GUCY1A2: variants seen among roughly 807,000 people sequenced by gnomAD.
The protein encoded by GUCY1A2 is guanylate cyclase soluble subunit alpha-2.
GUCY1A2 carries 27 observed loss-of-function variants against 63.5 expected under a neutral mutation model. The ratio of observed to expected loss-of-function variants is 0.43; its 90% confidence interval spans 0.31 to 0.59. The LOEUF is 0.59. GUCY1A2 is among the 20% of genes least tolerant of loss of function. The pLI is 0.11. For synonymous variants in GUCY1A2, 364 were observed against 343.5 expected (o/e 1.06, Z -0.66); for missense variants, 768 against 913.3 (o/e 0.84, Z 2.05).
chr11:106,953,123 G>A (rs1860933776), intron 3 of GUCY1A2, among the ~76,000 whole-genome samples: 3 of 152,152 alleles, frequency 2.0e-5, no homozygotes, highest in Admixed American at 2.0e-4. Flanking sequence ...TTAAAGGAAT[G>A]CTTCTAGCTT....
At chr11:106,724,661 G>C (rs1048026962) in intron 6 of GUCY1A2, among the ~76,000 whole-genome samples, 14 of 152,112 alleles carry the variant, frequency 9.2e-5, no homozygotes, top group Admixed American at 9.2e-4. Flanking sequence ...TTTCACTCCT[G>C]GTTATGCAAT....
At chr11:106,804,834 T>C (rs1436190822) in intron 5 of GUCY1A2, among the ~76,000 whole-genome samples, 6 of 152,196 alleles carry the variant, frequency 3.9e-5, no homozygotes, top group Non-Finnish European at 4.4e-5. Flanking sequence ...TTATCAAAGT[T>C]TGTACTGATA....
intron 6 of GUCY1A2, among the ~76,000 whole-genome samples, chr11:106,769,467 T>C (rs528487440): frequency 1.3e-5 from 2 of 152,278 alleles, no homozygotes; most frequent in African/African-American, 4.8e-5. Flanking sequence ...AATGAGGCAT[T>C]GATTATTAAA....
intron 3 of GUCY1A2, among the ~76,000 whole-genome samples, chr11:106,968,175 T>C (rs1406106296): frequency 6.6e-6 from 1 of 152,202 alleles, no homozygotes; most frequent in Admixed American, 6.5e-5. Flanking sequence ...ATCTAGAGAA[T>C]GTATTTTTAA....
intron 5 of GUCY1A2, among the ~76,000 whole-genome samples, chr11:106,790,698 T>G (rs11602965): frequency 0.22 from 34,189 of 152,016 alleles, 3,941 homozygotes; most frequent in Middle Eastern, 0.29. Flanking sequence ...GCTCTTTAGG[T>G]GATGGGTCCA....
At chr11:106,936,763 C>A in intron 4 of GUCY1A2, 5 of 1,008,496 alleles carry the variant, frequency 5.0e-6, no homozygotes, top group Admixed American at 2.1e-5. Flanking sequence ...GTATTAAATG[C>A]ACAAACAAAA....
chr11:106,775,655 A>G (rs957917154), intron 6 of GUCY1A2, among the ~76,000 whole-genome samples: 2 of 152,120 alleles, frequency 1.3e-5, no homozygotes, highest in East Asian at 1.9e-4. Context: ...TGCCAGAACT[A>G]GAACGGTACT....
chr11:106,948,928 A>G (rs1860866844), intron 3 of GUCY1A2, among the ~76,000 whole-genome samples: 1 of 152,202 alleles, frequency 6.6e-6, no homozygotes, highest in South Asian at 2.1e-4. Flanking sequence ...GAAGCAATAA[A>G]TATTTTAGAA....
intron 6 of GUCY1A2, among the ~76,000 whole-genome samples, chr11:106,774,954 C>T (rs766654991): frequency 5.3e-5 from 8 of 152,060 alleles, no homozygotes; most frequent in Non-Finnish European, 8.8e-5. Flanking sequence ...CTTATAGTTA[C>T]GTTAAAAATT....
At chr11:106,836,318 C>T (rs1315846235) in intron 4 of GUCY1A2, among the ~76,000 whole-genome samples, 1 of 151,740 alleles carries the variant, frequency 6.6e-6, no homozygotes, top group Admixed American at 6.6e-5. Context: ...TATGTTCTTA[C>T]AATAAAGTAA....
intron 1 of GUCY1A2, among the ~76,000 whole-genome samples, chr11:106,992,309 T>G (rs1861479497): frequency 6.7e-6 from 1 of 149,898 alleles, no homozygotes. Context: ...AACCCTCTTG[T>G]ACAAAAAGAA....
At chr11:106,707,312 G>T (rs550629693) in intron 7 of GUCY1A2, among the ~76,000 whole-genome samples, 1 of 151,760 alleles carries the variant, frequency 6.6e-6, no homozygotes. Context: ...CTCTAATTTG[G>T]TATCAAAAGT....
At position 106,900,650 on chromosome 11, in the gene GUCY1A2, A is replaced by C. The variant is rs560603901; in HGVS notation, c.1206+38810T>G. 2.6e-5 allele frequency among the ~76,000 whole-genome samples: 4 copies of C among 152,292 alleles called. No homozygotes were observed. In the East Asian group the frequency reaches 5.8e-4, roughly 22 times the overall value. On this transcript the variant is annotated intron_variant, in intron 4 of 7. Transcript: ENST00000526355. ...TTCTATATATCCAGTTTTTCTGTAC[A>C]GGCATAGCTCAGAGATATTGTAAGT...
At chr11:106,913,952 T>G (rs1340165227) in intron 4 of GUCY1A2, among the ~76,000 whole-genome samples, 1 of 146,732 alleles carries the variant, frequency 6.8e-6, no homozygotes, top group African/African-American at 2.5e-5. Flanking sequence ...CTAATGTTTG[T>G]TGGGTCATTG....
chr11:106,828,423 C>T (rs374928960), intron 4 of GUCY1A2, among the ~76,000 whole-genome samples: 2 of 152,120 alleles, frequency 1.3e-5, no homozygotes, highest in South Asian at 2.1e-4. Context: ...TATGGCTAGC[C>T]AATTTTCCCA....
At chr11:106,805,767 T>C (rs1858675376) in intron 5 of GUCY1A2, among the ~76,000 whole-genome samples, 1 of 152,192 alleles carries the variant, frequency 6.6e-6, no homozygotes, top group Admixed American at 6.5e-5. Context: ...GAGAATCTCC[T>C]ACTTTACAGA....
intron 3 of GUCY1A2, among the ~76,000 whole-genome samples, chr11:106,968,090 C>A (rs1861148465): frequency 6.6e-6 from 1 of 152,186 alleles, no homozygotes; most frequent in Admixed American, 6.5e-5. Flanking sequence ...ACTACAGTTT[C>A]TTAAGCATCC....
At chr11:106,790,314 G>A (rs1864635816) in intron 5 of GUCY1A2, among the ~76,000 whole-genome samples, 1 of 152,154 alleles carries the variant, frequency 6.6e-6, no homozygotes, top group Admixed American at 6.5e-5. Context: ...TACCGCTGAT[G>A]TTCACTTAAG....
intron 3 of GUCY1A2, among the ~76,000 whole-genome samples, chr11:106,961,178 T>A (rs1360180090): frequency 6.6e-6 from 1 of 151,976 alleles, no homozygotes; most frequent in Non-Finnish European, 1.5e-5. Flanking sequence ...CTCACCCTCC[T>A]GAAATGCCCA....
Sources: gnomAD v4.1 joint callset for allele counts (sites outside exome capture counted in the v4.1 genomes callset) on GRCh38, gnomAD v4.1.1 for gene constraint, MANE v1.5 for transcripts, NCBI Gene and HGNC (gene_info 2026-07-23, HGNC 2026-07-21) for gene names.